The following RIMS3 variants were observed in gnomAD, a reference collection of about 807,000 sequenced individuals.
RIMS3 encodes the protein regulating synaptic membrane exocytosis protein 3.
A neutral mutation model predicts 29.2 loss-of-function variants in RIMS3; 15 were observed. That is an observed-to-expected ratio of 0.51 (90% CI 0.34 to 0.79). RIMS3 has a LOEUF of 0.79. RIMS3 is among the 30% of genes least tolerant of loss of function. The pLI, the probability that RIMS3 is intolerant of heterozygous loss-of-function variation, is 0.01. For synonymous variants in RIMS3, 161 were observed against 170.1 expected (o/e 0.95, Z 0.41); for missense variants, 342 against 421.4 (o/e 0.81, Z 1.65).
intron 1 of RIMS3, among the ~76,000 whole-genome samples, chr1:40,659,600 C>T (rs1221642079): frequency 6.6e-6 from 1 of 152,136 alleles, no homozygotes; most frequent in Non-Finnish European, 1.5e-5. Flanking sequence ...GAGTTCACAG[C>T]CTAGCATGAA....
At chr1:40,690,080 G>C in the RIMS3 span, among the ~76,000 whole-genome samples, 1 of 152,074 alleles carries the variant, frequency 6.6e-6, no homozygotes, top group African/African-American at 2.4e-5. Context: ...CCAACTTCCA[G>C]GCTCTTGGAA....
upstream of RIMS3, among the ~76,000 whole-genome samples, chr1:40,670,610 T>TATATATATATATATATATATA (rs1642482130): frequency 2.8e-5 from 1 of 35,828 alleles, no homozygotes. Flanking sequence ...ATATATATAT[T>TATATATATATATATATATATA]TGAGATGGAG....
chr1:40,653,701 T>C (rs1178128499), intron 1 of RIMS3, among the ~76,000 whole-genome samples: 1 of 152,150 alleles, frequency 6.6e-6, no homozygotes, highest in African/African-American at 2.4e-5. Context: ...CATGTCCACA[T>C]GGCTGGGGAA....
upstream of RIMS3, among the ~76,000 whole-genome samples, chr1:40,665,928 C>T (rs959436424): frequency 4.6e-5 from 7 of 152,196 alleles, no homozygotes; most frequent in East Asian, 1.3e-3. Flanking sequence ...GGCCTCCCCT[C>T]TCCACCACCT....
At chr1:40,641,233 A>G (rs1052097870) in intron 3 of RIMS3, among the ~76,000 whole-genome samples, 12 of 152,162 alleles carry the variant, frequency 7.9e-5, no homozygotes, top group Non-Finnish European at 1.2e-4. Context: ...TCTCCCTCCC[A>G]AAGTGCTGGG....
At chr1:40,653,474 C>A (rs139526931) in intron 1 of RIMS3, among the ~76,000 whole-genome samples, 1 of 152,056 alleles carries the variant, frequency 6.6e-6, no homozygotes, top group Non-Finnish European at 1.5e-5. Flanking sequence ...GAGGCTAGGG[C>A]GGCACCCTGA....
intron 3 of RIMS3, among the ~76,000 whole-genome samples, chr1:40,638,154 G>A (rs1464462896): frequency 6.6e-6 from 1 of 152,140 alleles, no homozygotes; most frequent in Non-Finnish European, 1.5e-5. Context: ...TCACAGATGG[G>A]AAGCCTGAGG....
the RIMS3 span, among the ~76,000 whole-genome samples, chr1:40,678,384 G>C: frequency 1.3e-5 from 2 of 152,160 alleles, no homozygotes; most frequent in Admixed American, 1.3e-4. Flanking sequence ...CTCCATCCTG[G>C]GTGACAGAGT....
chr1:40,688,238 C>T, the RIMS3 span, among the ~76,000 whole-genome samples: 1 of 152,178 alleles, frequency 6.6e-6, no homozygotes, highest in Non-Finnish European at 1.5e-5. Flanking sequence ...GCTGGAATTA[C>T]AGGTGTGAGC....
At chr1:40,687,143 T>C in the RIMS3 span, among the ~76,000 whole-genome samples, 54 of 152,212 alleles carry the variant, frequency 3.5e-4, no homozygotes, top group African/African-American at 1.3e-3. Flanking sequence ...TCATTCACAG[T>C]GGCCAAAAGG....
At chr1:40,685,306 TA>T in the RIMS3 span, among the ~76,000 whole-genome samples, 1,013 of 19,834 alleles carry the variant, frequency 0.051, 9 homozygotes, top group Non-Finnish European at 0.082. Flanking sequence ...TTATATATAT[TA>T]ATATATATAA....
At chr1:40,661,582 C>G (rs573397491) in intron 1 of RIMS3, among the ~76,000 whole-genome samples, 1 of 152,210 alleles carries the variant, frequency 6.6e-6, no homozygotes, top group East Asian at 1.9e-4. Context: ...CCACCCCCAG[C>G]CAGCCCTGGG....
chr1:40,672,955 G>A, the RIMS3 span, among the ~76,000 whole-genome samples: 2 of 151,948 alleles, frequency 1.3e-5, no homozygotes, highest in African/African-American at 4.8e-5. Context: ...CAAGGCAGGT[G>A]GATTGCTTGA....
At chr1:40,691,253 T>C in the RIMS3 span, 3 of 156,702 alleles carry the variant, frequency 1.9e-5, no homozygotes, top group African/African-American at 4.8e-5. Context: ...AAATGCTCTT[T>C]TATGAATTTA....
At chr1:40,643,257 G>A (rs1470726213) in intron 2 of RIMS3, among the ~76,000 whole-genome samples, 1 of 151,592 alleles carries the variant, frequency 6.6e-6, no homozygotes, top group East Asian at 1.9e-4. Flanking sequence ...TCAGCCTCCC[G>A]AGTAGCTGGG....
intron 5 of RIMS3, 120 bp downstream of exon 5, chr1:40,632,949 G>C: frequency 1.2e-6 from 1 of 814,756 alleles, no homozygotes; most frequent in Non-Finnish European, 2.2e-6. Context: ...ACTTGCTTAA[G>C]ATCACAGAAT....
Position 40,626,218 on chromosome 1 carries a change from T to G in RIMS3, c.*299A>C. On this transcript the variant is annotated 3_prime_UTR_variant, in exon 8 of 8. Coordinates refer to ENST00000372684, the MANE Select transcript of RIMS3 (RefSeq NM_014747.3). ...TGAGTCATGTCCACACAACACTCCT[T>G]TGGGTTTCTTTTCAACAAGACACAA... 2.2e-6 allele frequency: 1 copy of G among 446,476 alleles called. No individual in the cohort carries two copies. Among genetic ancestry groups the G allele is most frequent in the Non-Finnish European group, 4.2e-6 (1 of 239,068 alleles). The allele number at this position is 446,476 out of a possible 1,614,324, so 27.7% of individuals were successfully genotyped here. A position where few individuals can be genotyped will look rare whatever the true frequency, so the allele number is the denominator to read the frequency against.
At chr1:40,642,469 G>A (rs1646564971) in intron 2 of RIMS3, among the ~76,000 whole-genome samples, 1 of 152,182 alleles carries the variant, frequency 6.6e-6, no homozygotes. Context: ...TCCAGCCTGT[G>A]CAGACTCTGG....
intron 4 of RIMS3, among the ~76,000 whole-genome samples, chr1:40,634,671 G>A (rs530546234): frequency 5.6e-4 from 85 of 152,260 alleles, no homozygotes; most frequent in Admixed American, 4.6e-3. Flanking sequence ...CTGTTAGGCC[G>A]GGTGCAGTGG....
Sources: allele counts gnomAD v4.1 joint callset (sites outside exome capture counted in the v4.1 genomes callset), GRCh38; gene constraint gnomAD v4.1.1; transcripts MANE v1.5; gene names NCBI Gene and HGNC (gene_info 2026-07-23, HGNC 2026-07-21).